Variants in GABPA observed in about 807,000 individuals in gnomAD.
GABPA encodes the protein GA binding protein transcription factor subunit alpha.
GABPA carries 4 observed loss-of-function variants against 59.4 expected under a neutral mutation model. The ratio of observed to expected loss-of-function variants is 0.07; its 90% CI spans 0.03 to 0.15. The LOEUF (loss-of-function observed/expected upper bound fraction) is 0.15, where lower values mean the gene tolerates loss of function less well. GABPA is among the 10% of genes least tolerant of loss of function. The probability of loss-of-function intolerance (pLI) is 1.00; values close to 1 mark genes in which losing one functional copy is unlikely to be tolerated. For missense variants in GABPA, 251 were observed against 543.8 expected, an observed-to-expected ratio of 0.46 and a Z score of 5.36; for synonymous variants, 164 against 183.1, an observed-to-expected ratio of 0.90 and a Z score of 0.84.
chr21:25,746,100 C>T (rs2035356421), intron 3 of GABPA, among the ~76,000 whole-genome samples: 1 of 151,884 alleles, frequency 6.6e-6, no homozygotes. Context: ...CAACCTCCAC[C>T]TCCCAGGTTC....
intron 1 of GABPA, among the ~76,000 whole-genome samples, chr21:25,741,155 G>A (rs1340953010): frequency 4.6e-5 from 7 of 152,076 alleles, no homozygotes; most frequent in Non-Finnish European, 1.0e-4. Context: ...TTTTCAAACA[G>A]GGTCTCTTGT....
Position 25,735,119 on chromosome 21 carries a change from C to T in GABPA, c.-486C>T. ...CACAGCCTCCGCCATCTTTTCTTCG[C>T]CTAATTTGACCCGTTCTTTTTCCCC... On this transcript the variant is annotated 5_prime_UTR_variant, in exon 1 of 10. Transcript: ENST00000400075. The T allele has an allele frequency of 1.4e-6, 1 of 717,080 alleles. No homozygotes were observed. Among genetic ancestry groups the T allele is most frequent in the South Asian group, 1.6e-5 (1 of 64,368 alleles). 44.4% of individuals were successfully genotyped at this position (717,080 alleles called of 1,614,324 possible). A position where few individuals can be genotyped will look rare whatever the true frequency, so the allele number is the denominator to read the frequency against.
At chr21:25,743,968 C>G (rs559756447) in intron 2 of GABPA, among the ~76,000 whole-genome samples, 1 of 140,084 alleles carries the variant, frequency 7.1e-6, no homozygotes, top group Non-Finnish European at 1.5e-5. Context: ...CGCTTGAACT[C>G]GGGAGGCGGA....
chr21:25,750,815 T>C (rs2035490619), intron 4 of GABPA, among the ~76,000 whole-genome samples: 1 of 152,160 alleles, frequency 6.6e-6, no homozygotes, highest in South Asian at 2.1e-4. Flanking sequence ...TTAAGAAGAG[T>C]TCGCTTAAAG....
chr21:25,748,128 AC>A (rs1266720181), intron 3 of GABPA, among the ~76,000 whole-genome samples: 5 of 152,156 alleles, frequency 3.3e-5, no homozygotes, highest in Admixed American at 6.5e-5. Context: ...CTGGTCTCGA[AC>A]TTCAGACCTC....
chr21:25,760,290 T>C (rs2829894), intron 6 of GABPA, among the ~76,000 whole-genome samples: 42,839 of 152,004 alleles, frequency 0.28, 7,690 homozygotes, highest in African/African-American at 0.51. Context: ...CTTCTCAGAA[T>C]AGGGTTTTTT....
intron 6 of GABPA, among the ~76,000 whole-genome samples, chr21:25,758,584 T>TA (rs1312416243): frequency 1.3e-5 from 2 of 152,204 alleles, no homozygotes; most frequent in African/African-American, 4.8e-5. Flanking sequence ...GATCAGCTCT[T>TA]ACATTTACTG....
chr21:25,735,651 C>G (rs1174374257), intron 1 of GABPA, 73 bp downstream of exon 1: 1 of 152,096 alleles, frequency 6.6e-6, no homozygotes, highest in Non-Finnish European at 1.5e-5. Context: ...CCTTTTCCCC[C>G]ACAAGGGCCC....
intron 5 of GABPA, among the ~76,000 whole-genome samples, chr21:25,757,572 GA>G (rs2035665793): frequency 6.6e-6 from 1 of 151,938 alleles, no homozygotes. Flanking sequence ...GAAAAGGGAG[GA>G]AAAAGGATAT....
chr21:25,763,126 T>C, intron 7 of GABPA: 2 of 486,400 alleles, frequency 4.1e-6, no homozygotes, highest in Non-Finnish European at 8.0e-6. Context: ...TCATGTCATC[T>C]TTTCCATCTT....
chr21:25,742,621 GC>G (rs2035249615), intron 2 of GABPA, among the ~76,000 whole-genome samples: 1 of 152,060 alleles, frequency 6.6e-6, no homozygotes, highest in African/African-American at 2.4e-5. Flanking sequence ...AACTAAAAAT[GC>G]GTAACATTCA....
Position 25,772,048 on chromosome 21 carries a change from G to C in GABPA, c.*2816G>C, listed in dbSNP as rs1306702501. 1 of 152,060 alleles carries C rather than the reference G, an allele frequency of 6.6e-6. No individual in the cohort carries two copies. Among genetic ancestry groups the C allele is most frequent in the Non-Finnish European group, 1.5e-5 (1 of 67,918 alleles). The allele number at this position is 152,060 out of a possible 1,614,324, so 9.4% of individuals were successfully genotyped here. On this transcript the variant is annotated 3_prime_UTR_variant, in exon 10 of 10. Coordinates refer to ENST00000400075, the MANE Select transcript of GABPA (RefSeq NM_002040.4). ...ACCACCAAATATTTTTGTGAGGTCT[G>C]CTGTTTTCCATATTCATTTTATGCT...
intron 4 of GABPA, 111 bp downstream of exon 4, chr21:25,749,231 A>G (rs1190236139): frequency 3.1e-6 from 2 of 643,648 alleles, no homozygotes; most frequent in African/African-American, 3.7e-5. Flanking sequence ...GATATGATAT[A>G]ATAGCCAAAA....
intron 9 of GABPA, among the ~76,000 whole-genome samples, chr21:25,765,374 T>A (rs1349855629): frequency 1.3e-5 from 2 of 152,046 alleles, no homozygotes; most frequent in Non-Finnish European, 2.9e-5. Context: ...AGTAAAATAG[T>A]TCTGCAATTC....
At chr21:25,766,809 C>G (rs968361853) in intron 9 of GABPA, among the ~76,000 whole-genome samples, 20 of 152,090 alleles carry the variant, frequency 1.3e-4, no homozygotes, top group African/African-American at 4.6e-4. Context: ...CAGAGATGTA[C>G]TTCTATGCCC....
intron 1 of GABPA, among the ~76,000 whole-genome samples, chr21:25,736,767 G>T (rs998215999): frequency 5.3e-5 from 8 of 151,956 alleles, no homozygotes; most frequent in Non-Finnish European, 1.0e-4. Flanking sequence ...TTCACCTGAG[G>T]GTCCCAACTG....
chr21:25,755,124 G>A (rs1479176964), intron 5 of GABPA, among the ~76,000 whole-genome samples: 4 of 151,836 alleles, frequency 2.6e-5, no homozygotes, highest in Non-Finnish European at 5.9e-5. Context: ...ATAACTATAT[G>A]CTGATAAAAC....
chr21:25,744,124 T>C (rs923445086), intron 2 of GABPA, among the ~76,000 whole-genome samples: 5 of 151,868 alleles, frequency 3.3e-5, no homozygotes, highest in African/African-American at 1.2e-4. Flanking sequence ...TTTTTTACCT[T>C]AACAAATAAC....
chr21:25,745,754 T>G (rs745513467), intron 3 of GABPA, among the ~76,000 whole-genome samples: 18 of 152,340 alleles, frequency 1.2e-4, no homozygotes, highest in South Asian at 4.1e-4. Flanking sequence ...TGTTTTACCT[T>G]TATTTTCTCT....
Sources: gnomAD v4.1 joint callset for allele counts (sites outside exome capture counted in the v4.1 genomes callset) on GRCh38, gnomAD v4.1.1 for gene constraint, MANE v1.5 for transcripts, NCBI Gene and HGNC (gene_info 2026-07-23, HGNC 2026-07-21) for gene names.